RTN4RL1: variants seen among roughly 807,000 people sequenced by gnomAD.
The protein encoded by RTN4RL1 is reticulon 4 receptor like 1.
RTN4RL1 carries 7 observed loss-of-function variants against 25.6 expected under a neutral mutation model. The observed-to-expected ratio is 0.27, with a 90% CI of 0.16 to 0.51. The LOEUF is 0.51. Among genes scored for constraint, RTN4RL1 ranks in the 20% least tolerant of loss-of-function variants. The pLI is 0.97. For missense variants in RTN4RL1, 500 were observed against 615.6 expected, an observed-to-expected ratio of 0.81 and a Z score of 1.99; for synonymous variants, 297 against 288.2, an observed-to-expected ratio of 1.03 and a Z score of -0.31.
At chr17:1,942,763 G>A (rs1034268547) in intron 1 of RTN4RL1, among the ~76,000 whole-genome samples, 3 of 152,128 alleles carry the variant, frequency 2.0e-5, no homozygotes, top group Admixed American at 2.0e-4. Flanking sequence ...CACCCTACCC[G>A]GTCCGCTCAG....
chr17:1,954,512 C>T (rs1244574828), intron 1 of RTN4RL1, among the ~76,000 whole-genome samples: 1 of 152,000 alleles, frequency 6.6e-6, no homozygotes, highest in Non-Finnish European at 1.5e-5. Flanking sequence ...CTCAGCCTCC[C>T]AAGTAGCTGG....
Position 1,994,301 on chromosome 17 carries a change from G to A in RTN4RL1, c.13+30552C>T, listed in dbSNP as rs989885569. Among the ~76,000 whole-genome samples, 2 of 151,824 alleles carry A rather than the reference G, an allele frequency of 1.3e-5. No individual in the cohort carries two copies. Among genetic ancestry groups the A allele is most frequent in the African/African-American group, 4.8e-5 (2 of 41,304 alleles). On this transcript the variant is annotated intron_variant, in intron 1 of 1. Coordinates refer to ENST00000331238, the MANE Select transcript of RTN4RL1 (RefSeq NM_178568.4). This position sits in a 1 kb window ranked among gnomAD's most constrained non-coding sequence, Gnocchi z 4.3. ...AGTGAGGAGGGAGTCCAGGGACAGGGGGCCAGCAACTAGATGCCTTGGGGG... is the reference window on the plus strand; with the variant it reads ...AGTGAGGAGGGAGTCCAGGGACAGGAGGCCAGCAACTAGATGCCTTGGGGG...
At position 1,979,702 on chromosome 17, in the gene RTN4RL1, C is replaced by T. The variant is rs544242153; in HGVS notation, c.14-41894G>A. Among the ~76,000 whole-genome samples, 18 of 152,318 alleles carry T rather than the reference C, an allele frequency of 1.2e-4. No homozygotes were observed. In the East Asian group the frequency reaches 3.1e-3, roughly 26 times the overall value. On this transcript the variant is annotated intron_variant, in intron 1 of 1. Coordinates refer to ENST00000331238, the MANE Select transcript of RTN4RL1 (RefSeq NM_178568.4). ...CAATCACTGCGCACCTGCTATTCAG[C>T]AGGGCCAGAGACAGACCAGGACAGA... is the stretch of plus-strand genomic sequence containing the variant.
At chr17:1,950,809 G>A (rs1003628976) in intron 1 of RTN4RL1, among the ~76,000 whole-genome samples, 19 of 114,688 alleles carry the variant, frequency 1.7e-4, no homozygotes, top group Admixed American at 2.6e-4. Flanking sequence ...TCACACCCCC[G>A]CACTCCAACC....
At chr17:1,992,913 G>C (rs763750602) in intron 1 of RTN4RL1, among the ~76,000 whole-genome samples, 2 of 152,152 alleles carry the variant, frequency 1.3e-5, no homozygotes, top group Non-Finnish European at 2.9e-5. Flanking sequence ...TCTTTGAATG[G>C]ATGCGGCCTG....
rs753493153 is a variant in RTN4RL1 at position 1,937,315 on chromosome 17, G to A, written c.507C>T (p.Phe169=). 6.2e-6 allele frequency: 10 copies of A among 1,613,362 alleles called. No individual in the cohort carries two copies. The highest frequency in any genetic ancestry group is 4.0e-5 in the African/African-American group (3 of 74,930). The change falls in exon 2 of 2, where the codon TTC becomes TTT. Residue 169 remains phenylalanine (F), a synonymous_variant. Coordinates refer to ENST00000331238, the MANE Select transcript of RTN4RL1 (RefSeq NM_178568.4). ...GGTGGCTGAGGTTGACCAGGTCCACGAAGATGTCGTCCTGGAGGTACTCGA... is the reference window on the plus strand; with the variant it reads ...GGTGGCTGAGGTTGACCAGGTCCACAAAGATGTCGTCCTGGAGGTACTCGA... ...NHIEYLQDDI[F]VDLVNLSHLF...
intron 1 of RTN4RL1, among the ~76,000 whole-genome samples, chr17:1,997,258 G>A (rs1030953158): frequency 6.6e-6 from 1 of 152,074 alleles, no homozygotes; most frequent in South Asian, 2.1e-4. Flanking sequence ...GGCCTTCCTC[G>A]CAAATTATTT....
intron 1 of RTN4RL1, among the ~76,000 whole-genome samples, chr17:1,975,969 T>C (rs1026144010): frequency 2.0e-5 from 3 of 152,224 alleles, no homozygotes; most frequent in Non-Finnish European, 4.4e-5. Context: ...AGAAACGCCA[T>C]CCCTGCAGAG....
Position 2,013,558 on chromosome 17 carries a change from CTG to C in RTN4RL1, c.13+11293_13+11294del, listed in dbSNP as rs1175035035. Among the ~76,000 whole-genome samples the C allele has an allele frequency of 1.3e-3, 195 of 151,786 alleles. 8 individuals carry two copies. Among genetic ancestry groups the C allele is most frequent in the African/African-American group, 4.3e-3 (177 of 41,160 alleles). On this transcript the variant is annotated intron_variant, in intron 1 of 1. Coordinates refer to ENST00000331238, the MANE Select transcript of RTN4RL1 (RefSeq NM_178568.4). ...GGTGGGTGCTGGAACATAAATACCCCTGCTCCCTCACCCTGGAACATAAATAC... is the reference window on the plus strand; with the variant it reads ...GGTGGGTGCTGGAACATAAATACCCCCTCCCTCACCCTGGAACATAAATAC...
At position 1,935,647 on chromosome 17, in the gene RTN4RL1, T is replaced by C; in HGVS notation, c.*849A>G. 2 of 980,416 alleles carry C rather than the reference T, an allele frequency of 2.0e-6. No homozygotes were observed. Among genetic ancestry groups the C allele is most frequent in the African/African-American group, 1.8e-5 (1 of 56,162 alleles). 60.7% of individuals were successfully genotyped at this position (980,416 alleles called of 1,614,324 possible). On this transcript the variant is annotated 3_prime_UTR_variant, in exon 2 of 2. Coordinates refer to ENST00000331238, the MANE Select transcript of RTN4RL1 (RefSeq NM_178568.4). ...AGTTCAGCAAATACAGTTTTCTGTA[T>C]AGTTTATAAACATGAAAAGACGTAC...
chr17:1,992,687 C>T (rs954812874), intron 1 of RTN4RL1, among the ~76,000 whole-genome samples: 1 of 152,268 alleles, frequency 6.6e-6, no homozygotes, highest in Non-Finnish European at 1.5e-5. Flanking sequence ...TGGGAGCCTG[C>T]TCAGCTCTTG....
intron 1 of RTN4RL1, among the ~76,000 whole-genome samples, chr17:2,004,959 G>A (rs1031119840): frequency 1.3e-5 from 2 of 152,236 alleles, no homozygotes; most frequent in African/African-American, 4.8e-5. Context: ...TTGAGCTCCT[G>A]TTCTGGGTCA....
chr17:1,941,943 G>A (rs572793904), intron 1 of RTN4RL1, among the ~76,000 whole-genome samples: 18 of 152,282 alleles, frequency 1.2e-4, no homozygotes, highest in Middle Eastern at 3.4e-3. Context: ...TGGGAGCCCC[G>A]ACCCGCTGAT....
Position 1,936,899 on chromosome 17 carries a change from G to A in RTN4RL1, c.923C>T (p.Ala308Val), listed in dbSNP as rs77488612. Residue 308 changes from alanine (A) to valine (V), a missense_variant, in exon 2 of 2, where the codon GCG becomes GTG. Around this residue, in one of 2 missense-constraint regions of RTN4RL1, gnomAD observed 268 missense variants for 274.5 expected, o/e 0.98. Transcript: ENST00000331238. ...AEDFRNCTGP[A>V]SPHQIKSHTL... ...GTGTGACTTGATCTGGTGCGGGGAC[G>A]CTGGTCCCGTGCAGTTCCGGAAGTC... 1.3e-3 allele frequency: 2,155 copies of A among 1,608,254 alleles called. 22 individuals are homozygous for A. In the African/African-American group the frequency reaches 0.023, roughly 17 times the overall value.
intron 1 of RTN4RL1, among the ~76,000 whole-genome samples, chr17:1,977,102 G>C (rs2066845576): frequency 6.6e-6 from 1 of 152,132 alleles, no homozygotes; most frequent in African/African-American, 2.4e-5. Flanking sequence ...TAGATACTCT[G>C]CCTCTCCACT....
intron 1 of RTN4RL1, among the ~76,000 whole-genome samples, chr17:2,015,439 G>A (rs1374893345): frequency 3.3e-5 from 5 of 152,146 alleles, no homozygotes; most frequent in Non-Finnish European, 5.9e-5. Context: ...AGCCACGGCC[G>A]TGCTGAAAGC....
chr17:1,980,874 C>A (rs548614817), intron 1 of RTN4RL1, among the ~76,000 whole-genome samples: 2 of 133,940 alleles, frequency 1.5e-5, no homozygotes, highest in Non-Finnish European at 3.1e-5. Context: ...GTGCGGTGTG[C>A]GGAGATCACA....
chr17:1,991,385 TG>T (rs2066907658), intron 1 of RTN4RL1, among the ~76,000 whole-genome samples: 1 of 150,332 alleles, frequency 6.7e-6, no homozygotes, highest in Admixed American at 6.7e-5. Context: ...CCTGTGAGTT[TG>T]TTTTTTTTTG....
intron 1 of RTN4RL1, among the ~76,000 whole-genome samples, chr17:1,946,938 ATG>A (rs1270578616): frequency 2.6e-5 from 3 of 117,302 alleles, no homozygotes; most frequent in Non-Finnish European, 5.2e-5. Context: ...CTCTGTGTGA[ATG>A]TGTGTGTGCA....
Sources: allele counts gnomAD v4.1 joint callset (sites outside exome capture counted in the v4.1 genomes callset), GRCh38; gene constraint gnomAD v4.1.1; regional missense constraint gnomAD v4.1.1; non-coding constraint Gnocchi (gnomAD v3.1); transcripts MANE v1.5; gene names NCBI Gene and HGNC (gene_info 2026-07-23, HGNC 2026-07-21).